ADAM33: variants seen among roughly 807,000 people sequenced by gnomAD.
The protein encoded by ADAM33 is disintegrin and metalloproteinase domain-containing protein 33.
Under a neutral mutation model 106.2 loss-of-function variants are expected in ADAM33, and 103 were observed. That is an observed-to-expected ratio of 0.97 (90% CI 0.83 to 1.14). The LOEUF (loss-of-function observed/expected upper bound fraction) is 1.14. Among genes scored for constraint, ADAM33 ranks in the 50% most tolerant of loss-of-function variants. The pLI is 0.00. For missense variants in ADAM33, 1,120 were observed against 1,096.6 expected, an observed-to-expected ratio of 1.02 and a Z score of -0.30; for synonymous variants, 483 against 453.0, an observed-to-expected ratio of 1.07 and a Z score of -0.84.
chr20:3,671,761 C>T lies in ADAM33; in HGVS notation c.1725G>A (p.Lys575=). 6.4e-7 allele frequency: 1 copy of T among 1,568,392 alleles called. No individual in the cohort carries two copies. ...TGGGCTTTCCACCCTGGCACTGCAG[C>T]TTCCCACACAGGGCATCCCTGGGGA... The part of the protein sequence containing the change: ...PCAGRDALCG[K]LQCQGGKPSL... The change falls in exon 16 of 22, where the codon AAG becomes AAA. Residue 575 remains lysine, a synonymous_variant. Transcript: ENST00000356518.
Position 3,673,918 on chromosome 20 carries a change from G to A in ADAM33, c.739-7C>T, listed in dbSNP as rs2087752615. On this transcript the variant is annotated splice_polypyrimidine_tract_variant and splice_region_variant and intron_variant, in intron 8 of 21. Coordinates refer to ENST00000356518, the MANE Select transcript of ADAM33 (RefSeq NM_025220.5). ...TGTCCAGAGTCCTGAGAAGCTGAGG[G>A]CGAGGCGGGGCTGAAGCCGGGACAG... 2.6e-6 allele frequency: 4 copies of A among 1,565,466 alleles called. No individual in the cohort carries two copies. The highest frequency in any genetic ancestry group is 3.4e-6 in the Non-Finnish European group (4 of 1,161,440).
intron 16 of ADAM33, 31 bp downstream of exon 16, chr20:3,671,550 G>A (rs374641699): frequency 6.8e-6 from 11 of 1,609,962 alleles, no homozygotes; most frequent in African/African-American, 6.7e-5. Flanking sequence ...GGATTCAAAC[G>A]GCAAGGAGGG....
In ADAM33 at chr20:3,672,316, C is replaced by A. The variant is rs528261077; in HGVS notation, c.1415G>T (p.Gly472Val). Reference protein sequence around the residue: ...CCVRCLLKPAGALCRQAMGDC... With the variant: ...CCVRCLLKPAVALCRQAMGDC... ...ACCCATGGCCTGGCGGCACAGCGCT[C>A]CAGCCGGCTTCAGCTGCGCAGGTGA... The change falls in exon 14 of 22, where the codon GGA becomes GTA. Residue 472 changes from glycine to valine, a missense_variant. Coordinates refer to ENST00000356518, the MANE Select transcript of ADAM33 (RefSeq NM_025220.5). 2.5e-6 allele frequency: 4 copies of A among 1,612,306 alleles called. No homozygotes were observed. The highest frequency in any genetic ancestry group is 2.7e-5 in the African/African-American group (2 of 74,592).
rs1334180669 is a variant in ADAM33, at chr20:3,669,237, GT to G, written c.2404+61del. 7 of 1,439,306 alleles carry G rather than the reference GT, an allele frequency of 4.9e-6. No individual in the cohort carries two copies. The Admixed American group carries it at 1.0e-4, about 20-fold the overall frequency. 89.2% of individuals were successfully genotyped at this position (1,439,306 alleles called of 1,614,324 possible). A position where few individuals can be genotyped will look rare whatever the true frequency, so the allele number is the denominator to read the frequency against. ...TGATTAGGGGGCAGCAAACTGAGGGGTGGGAGAGGTGGGAGGGTGGGCGATG... is the reference window on the plus strand; with the variant it reads ...TGATTAGGGGGCAGCAAACTGAGGGGGGGAGAGGTGGGAGGGTGGGCGATG... On this transcript the variant is annotated intron_variant, in intron 21 of 21. Coordinates refer to ENST00000356518, the MANE Select transcript of ADAM33 (RefSeq NM_025220.5).
In ADAM33 at chr20:3,673,582, C is replaced by A. The variant is rs1288486981; in HGVS notation, c.982G>T (p.Val328Leu). 4 of 1,381,630 alleles carry A rather than the reference C, an allele frequency of 2.9e-6. No individual in the cohort carries two copies. The highest frequency in any genetic ancestry group is 3.6e-5 in the Admixed American group (1 of 27,468). The allele number at this position is 1,381,630 out of a possible 1,614,324, so 85.6% of individuals were successfully genotyped here. ...CCGCCCGCGGGGCTCACCGTGCTCA[C>A]GCCTCCCGAGCTCTCGGCGCGGCAC... is the stretch of plus-strand genomic sequence containing the variant. ...GMCRAESSGG[V>L]STDHSELPIG... Residue 328 changes from valine to leucine, a missense_variant, in exon 10 of 22, where the codon GTG (valine) becomes TTG (leucine). By Grantham distance (32) the Val-to-Leu change is conservative. Transcript: ENST00000356518.
At chr20:3,669,151 G>A in intron 21 of ADAM33, 148 bp downstream of exon 21, 1 of 1,206,652 alleles carries the variant, frequency 8.3e-7, no homozygotes, top group Non-Finnish European at 1.2e-6. Context: ...CCAGCATCCT[G>A]GTCTGCATGA....
intron 1 of ADAM33, among the ~76,000 whole-genome samples, chr20:3,681,080 C>A (rs1178675208): frequency 6.6e-6 from 1 of 152,148 alleles, no homozygotes; most frequent in Non-Finnish European, 1.5e-5. Context: ...GTTTGGTCCC[C>A]ACACAGTGCT....
intron 2 of ADAM33, 75 bp downstream of exon 2, chr20:3,679,417 G>T: frequency 1.4e-6 from 2 of 1,463,856 alleles, no homozygotes; most frequent in Non-Finnish European, 1.9e-6. Flanking sequence ...AAAACTAGAA[G>T]CTGTAATGTA....
At chr20:3,676,161 C>T (rs1310076480) in intron 3 of ADAM33, among the ~76,000 whole-genome samples, 2 of 152,166 alleles carry the variant, frequency 1.3e-5, no homozygotes, top group Non-Finnish European at 2.9e-5. Context: ...CGCTCCAGCC[C>T]GGACACCCAC....
chr20:3,672,429 C>T, intron 13 of ADAM33, 100 bp from the exon 14 acceptor site: 1 of 1,576,988 alleles, frequency 6.3e-7, no homozygotes, highest in African/African-American at 1.3e-5. Flanking sequence ...CCAGGCCTAC[C>T]CAAGCCCAGC....
rs200612795 is a variant in ADAM33, at chr20:3,669,347, T to A, written c.2356A>T (p.Ser786Cys). Reference protein sequence around the residue: ...PLDPENSHEPSSHPEKPLPAV... With the variant: ...PLDPENSHEPCSHPEKPLPAV... ...GGCAGAGGCTTCTCAGGGTGGCTGC[T>A]GGGCTCATGAGAGTTCTCAGGGTCT... The change falls in exon 21 of 22, where the codon AGC becomes TGC. Residue 786 changes from serine (S) to cysteine (C), a missense_variant. Ser to Cys is a moderately radical substitution (Grantham distance 112, BLOSUM62 -1). Transcript: ENST00000356518. 11 of 1,604,344 alleles carry A rather than the reference T, an allele frequency of 6.9e-6. No individual in the cohort carries two copies. The East Asian group carries it at 2.5e-4, about 36-fold the overall frequency.
rs2087626153 is a variant in ADAM33, at chr20:3,672,705, G to A, written c.1311+16C>T. ...GAGCGGAGAGGGCAAGTGGGGGCCG[G>A]GCGAGCCGACTTAACCTGGCCAGGG... is the stretch of plus-strand genomic sequence containing the variant. On this transcript the variant is annotated intron_variant, in intron 12 of 21. Coordinates refer to ENST00000356518, the MANE Select transcript of ADAM33 (RefSeq NM_025220.5). 3.8e-6 allele frequency: 6 copies of A among 1,587,520 alleles called. No homozygotes were observed. The African/African-American group carries it at 4.0e-5, about 11-fold the overall frequency.
Position 3,669,543 on chromosome 20 carries a change from C to T in ADAM33, c.2332+3G>A. On this transcript the variant is annotated splice_donor_region_variant and intron_variant, in intron 20 of 21. Transcript: ENST00000356518. Reference sequence around the variant, plus strand: ...CTCCACCTCCCCCTGGTGCCTCACTCACCCAGGGGCCAGGGCTGTCCAGTG... The same window carrying T: ...CTCCACCTCCCCCTGGTGCCTCACTTACCCAGGGGCCAGGGCTGTCCAGTG... 2 of 1,581,926 alleles carry T rather than the reference C, an allele frequency of 1.3e-6. No individual in the cohort carries two copies. Among genetic ancestry groups the T allele is most frequent in the Non-Finnish European group, 1.7e-6 (2 of 1,163,464 alleles).
Position 3,671,692 on chromosome 20 carries a change from G to T in ADAM33, c.1794C>A (p.His598Gln). The T allele has an allele frequency of 6.3e-7, 1 of 1,587,076 alleles. No individual in the cohort carries two copies. Among genetic ancestry groups the T allele is most frequent in the African/African-American group, 1.3e-5 (1 of 74,322 alleles). Residue 598 changes from histidine to glutamine, a missense_variant, in exon 16 of 22, where the codon CAC (histidine) becomes CAA (glutamine). Coordinates refer to ENST00000356518, the MANE Select transcript of ADAM33 (RefSeq NM_025220.5). Reference protein sequence around the residue: ...PHMVPVDSTVHLDGQEVTCRG... With the variant: ...PHMVPVDSTVQLDGQEVTCRG... ...GACAAGTCACTTCCTGGCCATCTAG[G>T]TGAACGGTAGAGTCCACTGGCACCA...
In ADAM33 at chr20:3,675,251, T is replaced by A. The variant is rs1166620009; in HGVS notation, c.255-146A>T. On this transcript the variant is annotated intron_variant, in intron 3 of 21. Transcript: ENST00000356518. The surrounding 1 kb of genome is among the most constrained non-coding windows in gnomAD (Gnocchi z 4.1). The stretch of plus-strand genomic sequence containing the variant: ...TGTCTTAGGGAAGGGACAGGAGCAA[T>A]GGTGACTTGCTCAGATCAGAAACTC... 1 of 651,984 alleles carries A rather than the reference T, an allele frequency of 1.5e-6. No individual in the cohort carries two copies. Among genetic ancestry groups the A allele is most frequent in the Non-Finnish European group, 2.7e-6 (1 of 368,282 alleles). 40.4% of individuals were successfully genotyped at this position (651,984 alleles called of 1,614,324 possible).
At position 3,668,816 on chromosome 20, in the gene ADAM33, G is replaced by A. The variant is rs3918400; in HGVS notation, c.*147C>T. The A allele has an allele frequency of 0.044, 42,862 of 972,232 alleles. 1,401 individuals carry two copies. The highest frequency in any genetic ancestry group is 0.13 in the East Asian group (5,471 of 41,014). 60.2% of individuals were successfully genotyped at this position (972,232 alleles called of 1,614,324 possible). ...TCTGGGTTCCTGGAGTGGGTGGGTC[G>A]AAGCTCCACTCGGGGAAGAAACTTC... is the stretch of plus-strand genomic sequence containing the variant. On this transcript the variant is annotated 3_prime_UTR_variant, in exon 22 of 22. Transcript: ENST00000356518.
At chr20:3,672,371 C>T (rs751721432) in intron 13 of ADAM33, 42 bp from the exon 14 acceptor site, 2 of 1,601,398 alleles carry the variant, frequency 1.2e-6, no homozygotes, top group South Asian at 2.2e-5. Context: ...AGAGAGGCCA[C>T]GTGCAGTGAG....
At chr20:3,678,970 G>A (rs1458617402) in intron 2 of ADAM33, among the ~76,000 whole-genome samples, 2 of 152,080 alleles carry the variant, frequency 1.3e-5, no homozygotes, top group Non-Finnish European at 2.9e-5. Context: ...TACATCTGGG[G>A]GACATCAGGA....
intron 1 of ADAM33, among the ~76,000 whole-genome samples, chr20:3,680,492 C>A (rs989481382): frequency 1.3e-5 from 2 of 152,214 alleles, no homozygotes; most frequent in Admixed American, 1.3e-4. Context: ...CCTTCTCTCC[C>A]AGACTACAAA....
Sources: gnomAD v4.1 joint callset for allele counts (sites outside exome capture counted in the v4.1 genomes callset) on GRCh38, gnomAD v4.1.1 for gene constraint, Gnocchi (gnomAD v3.1) non-coding constraint, MANE v1.5 for transcripts, NCBI Gene and HGNC (gene_info 2026-07-23, HGNC 2026-07-21) for gene names.